The following AKAP12 variants were observed in gnomAD, a reference collection of about 807,000 sequenced individuals.
The protein encoded by AKAP12 is A-kinase anchor protein 12.
Under a neutral mutation model 79.9 loss-of-function variants are expected in AKAP12, and 32 were observed. The observed-to-expected ratio is 0.40, with a 90% CI of 0.30 to 0.54. The LOEUF (loss-of-function observed/expected upper bound fraction) is 0.54. AKAP12 is among the 20% of genes least tolerant of loss of function. The pLI is 0.48. For synonymous variants in AKAP12, 808 were observed against 857.0 expected, an observed-to-expected ratio of 0.94 and a Z score of 1.00; for missense variants, 2,074 against 2,177.0, an observed-to-expected ratio of 0.95 and a Z score of 0.94.
intron 3 of AKAP12, among the ~76,000 whole-genome samples, chr6:151,332,031 C>CTGTTGTTTT (rs1440078242): frequency 0.16 from 11,496 of 72,584 alleles, 2,923 homozygotes; most frequent in African/African-American, 0.56. Flanking sequence ...AGTTCTGGGT[C>CTGTTGTTTT]TGTTTTTTTT....
chr6:151,314,792 C>T (rs958245645), intron 3 of AKAP12, among the ~76,000 whole-genome samples: 1 of 152,084 alleles, frequency 6.6e-6, no homozygotes, highest in African/African-American at 2.4e-5. Context: ...CAGTGGCTCA[C>T]GCCTGTAATC....
intron 3 of AKAP12, among the ~76,000 whole-genome samples, chr6:151,312,467 C>T (rs1021851206): frequency 6.6e-6 from 1 of 151,464 alleles, no homozygotes; most frequent in Non-Finnish European, 1.5e-5. Flanking sequence ...CAGATTGAGA[C>T]CCTGTCTCAA....
intron 3 of AKAP12, among the ~76,000 whole-genome samples, chr6:151,316,858 G>C (rs1285445203): frequency 6.6e-6 from 1 of 152,046 alleles, no homozygotes; most frequent in Non-Finnish European, 1.5e-5. Flanking sequence ...GGATGGTCTC[G>C]AACTCCTGAC....
intron 2 of AKAP12, among the ~76,000 whole-genome samples, chr6:151,282,441 C>G (rs1488369868): frequency 6.6e-6 from 1 of 152,118 alleles, no homozygotes; most frequent in Admixed American, 6.5e-5. Flanking sequence ...CTCCAGCTCA[C>G]GCATGGGGGT....
chr6:151,286,303 C>G (rs998512272), intron 2 of AKAP12, among the ~76,000 whole-genome samples: 1 of 152,200 alleles, frequency 6.6e-6, no homozygotes, highest in African/African-American at 2.4e-5. Flanking sequence ...ATTTTCTTTG[C>G]ATTTCAAATA....
chr6:151,324,263 C>G (rs1777467946), intron 3 of AKAP12: 1 of 985,422 alleles, frequency 1.0e-6, no homozygotes, highest in Non-Finnish European at 1.2e-6. Context: ...GCCCATCATT[C>G]CCTGTTCCCG....
At chr6:151,260,757 C>T (rs1476608441) in intron 2 of AKAP12, among the ~76,000 whole-genome samples, 1 of 149,602 alleles carries the variant, frequency 6.7e-6, no homozygotes, top group African/African-American at 2.4e-5. Context: ...CTTTGGGAGG[C>T]CCCCAGTGGG....
At chr6:151,259,047 GTA>G (rs199564755) in intron 2 of AKAP12, among the ~76,000 whole-genome samples, 7 of 146,778 alleles carry the variant, frequency 4.8e-5, no homozygotes, top group Admixed American at 1.4e-4. Context: ...ATATATGTGT[GTA>G]TATATATATA....
rs113704575 is a variant in AKAP12, at chr6:151,328,636, C to CA, written c.320-20058dup. Among the ~76,000 whole-genome samples, 854 of 116,368 alleles carry CA rather than the reference C, an allele frequency of 7.3e-3. 3 individuals are homozygous for CA. Among genetic ancestry groups the CA allele is most frequent in the Non-Finnish European group, 0.012 (584 of 50,672 alleles). 76.3% of individuals were successfully genotyped at this position (116,368 alleles called of 152,430 possible). ...TGGGTGACAGAGCAAGACTCCGTCT[C>CA]AAAAAAAAAAAAAAAAATTAAATTG... On this transcript the variant is annotated intron_variant, in intron 3 of 4. Transcript: ENST00000402676.
At chr6:151,271,353 A>C (rs6920177) in intron 2 of AKAP12, among the ~76,000 whole-genome samples, 87,844 of 148,862 alleles carry the variant, frequency 0.59, 26,300 homozygotes, top group African/African-American at 0.71. Flanking sequence ...AGAGGTTCTC[A>C]TTCTGTCGCC....
chr6:151,349,446 C>T lies in AKAP12; in HGVS notation c.1055C>T (p.Ala352Val). 6.2e-7 allele frequency: 1 copy of T among 1,608,018 alleles called. No homozygotes were observed. Among genetic ancestry groups the T allele is most frequent in the Non-Finnish European group, 8.5e-7 (1 of 1,178,450 alleles). Reference sequence around the variant, plus strand: ...GAGGTTGCCTCCGAGAAACTGACCGCCTCCGAGCAAGCCCACCCACAGGAG... The same window carrying T: ...GAGGTTGCCTCCGAGAAACTGACCGTCTCCGAGCAAGCCCACCCACAGGAG... ...KAEVASEKLT[A>V]SEQAHPQEPA... The change falls in exon 4 of 5, where the codon GCC becomes GTC. Residue 352 changes from alanine to valine, a missense_variant. Ala to Val is a moderately conservative substitution (Grantham distance 64). This residue lies in a region of AKAP12 where 1,428 missense variants were observed against 1,451.0 expected (regional missense o/e 0.98). Transcript: ENST00000402676.
At chr6:151,312,921 C>T (rs994530668) in intron 3 of AKAP12, among the ~76,000 whole-genome samples, 2 of 151,920 alleles carry the variant, frequency 1.3e-5, no homozygotes, top group African/African-American at 2.4e-5. Flanking sequence ...TGAGCCTGGA[C>T]CAGTAGCTGG....
At chr6:151,323,973 C>T (rs1777461827) in intron 3 of AKAP12, 1 of 985,224 alleles carries the variant, frequency 1.0e-6, no homozygotes, top group African/African-American at 1.7e-5. Flanking sequence ...CCTGATGCAA[C>T]ATCCCAAGTC....
intron 2 of AKAP12, among the ~76,000 whole-genome samples, chr6:151,292,451 C>A (rs892272719): frequency 2.0e-5 from 3 of 152,136 alleles, no homozygotes; most frequent in Non-Finnish European, 4.4e-5. Flanking sequence ...GTATCTTAGA[C>A]GAATTGGTTC....
chr6:151,314,144 CA>C (rs1212106772), intron 3 of AKAP12, among the ~76,000 whole-genome samples: 2 of 151,610 alleles, frequency 1.3e-5, no homozygotes. Flanking sequence ...TCTCATGCCT[CA>C]GGCTCCTGAG....
At chr6:151,242,650 T>C (rs1022169120) in intron 2 of AKAP12, among the ~76,000 whole-genome samples, 2 of 152,242 alleles carry the variant, frequency 1.3e-5, no homozygotes, top group African/African-American at 4.8e-5. Flanking sequence ...CCTCTTCTTG[T>C]TAAGCTCCAA....
chr6:151,325,773 T>C (rs1366699734), intron 3 of AKAP12: 12 of 1,608,808 alleles, frequency 7.5e-6, no homozygotes, highest in African/African-American at 2.7e-5. Context: ...CGAAACCACC[T>C]GCGGTTGGCA....
In AKAP12 at chr6:151,307,958, C is replaced by T. The variant is rs534361285; in HGVS notation, c.319+2055C>T. On this transcript the variant is annotated intron_variant, in intron 3 of 4. Transcript: ENST00000402676. ...CGGCTTACTGCAACATCTGCCTCCC[C>T]GCGCACATCCCCCGCCTCCGGCTCC... 1.4e-4 allele frequency among the ~76,000 whole-genome samples: 21 copies of T among 151,952 alleles called. 1 individual carries two copies. In the South Asian group the frequency reaches 2.5e-3, roughly 18 times the overall value.
chr6:151,299,258 C>T (rs1776804006), intron 2 of AKAP12, among the ~76,000 whole-genome samples: 1 of 152,122 alleles, frequency 6.6e-6, no homozygotes, highest in Non-Finnish European at 1.5e-5. Context: ...GCCTGTTGGC[C>T]TAGATGATCT....
Sources: gnomAD v4.1 joint callset for allele counts (sites outside exome capture counted in the v4.1 genomes callset) on GRCh38, gnomAD v4.1.1 for gene constraint, gnomAD v4.1.1 regional missense constraint, MANE v1.5 for transcripts, NCBI Gene and HGNC (gene_info 2026-07-23, HGNC 2026-07-21) for gene names.